Variants in ST7 observed in about 807,000 individuals in gnomAD.
The protein encoded by ST7 is suppression of tumorigenicity 7, also known as suppressor of tumorigenicity 7 protein.
In ST7, 28 loss-of-function variants were observed where a neutral mutation model predicts 78.7. The ratio of observed to expected loss-of-function variants is 0.36; its 90% CI spans 0.26 to 0.49. The LOEUF is 0.49. Ranked by LOEUF, ST7 falls within the 20% of genes least tolerant of loss-of-function variation. ST7 has a pLI of 0.99. For missense variants in ST7, 418 were observed against 696.0 expected (o/e 0.60, Z 4.49); for synonymous variants, 247 against 249.6 (o/e 0.99, Z 0.10).
intron 1 of ST7, among the ~76,000 whole-genome samples, chr7:116,985,106 A>G (rs1040021120): frequency 2.0e-5 from 3 of 152,158 alleles, no homozygotes; most frequent in African/African-American, 7.2e-5. Flanking sequence ...TGAGAATTGT[A>G]TAGTGGTATT....
chr7:116,967,194 G>T, intron 1 of ST7: 1 of 369,856 alleles, frequency 2.7e-6, no homozygotes, highest in Non-Finnish European at 6.0e-6. Flanking sequence ...TCTCCTAGAT[G>T]TGTAGGACGA....
At chr7:117,186,135 T>C (rs763236388) in intron 10 of ST7, among the ~76,000 whole-genome samples, 26 of 152,230 alleles carry the variant, frequency 1.7e-4, no homozygotes, top group Non-Finnish European at 2.5e-4. Context: ...TTCTTCACAA[T>C]ATCACATGAT....
intron 1 of ST7, among the ~76,000 whole-genome samples, chr7:117,067,289 C>CT (rs1798690499): frequency 6.6e-6 from 1 of 151,962 alleles, no homozygotes; most frequent in African/African-American, 2.4e-5. Flanking sequence ...TGTGATAACT[C>CT]TATCATTTAC....
At chr7:116,955,758 G>C (rs1792438761) in intron 1 of ST7, among the ~76,000 whole-genome samples, 1 of 152,198 alleles carries the variant, frequency 6.6e-6, no homozygotes, top group Non-Finnish European at 1.5e-5. Context: ...CTGGGAAAAT[G>C]TGTACTTCTT....
rs1393889902 is a variant in ST7 at position 116,997,602 on chromosome 7, G to A, written c.151+43911G>A. 2.6e-5 allele frequency among the ~76,000 whole-genome samples: 4 copies of A among 151,940 alleles called. 1 individual carries two copies. The highest frequency in any genetic ancestry group is 1.3e-4 in the Admixed American group (2 of 15,264). ...TGGTGTATTTACAATCCTTTAGCTA[G>A]ACATAAAGATTCTCCAAGTCTCCAC... On this transcript the variant is annotated intron_variant, in intron 1 of 15. Transcript: ENST00000323984.
rs559975224 is a variant in ST7, at chr7:117,001,205, A to G, written c.151+47514A>G. ...AAAGCAGGAGGTCTAATCATCGTCAACTGAAACCTCACCTAAGTAGTATTC... is the reference window on the plus strand; with the variant it reads ...AAAGCAGGAGGTCTAATCATCGTCAGCTGAAACCTCACCTAAGTAGTATTC... On this transcript the variant is annotated intron_variant, in intron 1 of 15. Transcript: ENST00000323984. Among the ~76,000 whole-genome samples, 236 of 152,362 alleles carry G rather than the reference A, an allele frequency of 1.5e-3. 1 individual carries two copies. The highest frequency in any genetic ancestry group is 4.4e-3 in the African/African-American group (185 of 41,590).
intron 2 of ST7, among the ~76,000 whole-genome samples, chr7:117,109,377 G>A (rs1318105661): frequency 6.6e-6 from 1 of 152,078 alleles, no homozygotes; most frequent in Non-Finnish European, 1.5e-5. Flanking sequence ...AACGAAATAG[G>A]AGATATTACA....
chr7:117,179,716 G>A (rs1461425049), intron 10 of ST7, among the ~76,000 whole-genome samples: 1 of 151,938 alleles, frequency 6.6e-6, no homozygotes, highest in East Asian at 1.9e-4. Flanking sequence ...GGGGGTAGGG[G>A]GACTGGATTA....
In ST7 at chr7:116,972,257, C is replaced by T. The variant is rs983994324; in HGVS notation, c.151+18566C>T. ...GTGCATTTGAGTTTATCTTCCAGGT[C>T]TTCAATTGTATTTTCCAGCTTGGCT... On this transcript the variant is annotated intron_variant, in intron 1 of 15. Coordinates refer to ENST00000323984, the MANE Select transcript of ST7 (RefSeq NM_001369598.1). 1.3e-5 allele frequency: 7 copies of T among 544,972 alleles called. No individual in the cohort carries two copies. The African/African-American group carries it at 1.3e-4, about 10-fold the overall frequency. 33.8% of individuals were successfully genotyped at this position (544,972 alleles called of 1,614,324 possible). A position where few individuals can be genotyped will look rare whatever the true frequency, so the allele number is the denominator to read the frequency against.
intron 1 of ST7, chr7:117,098,907 G>T (rs1801331349): frequency 8.8e-7 from 1 of 1,139,728 alleles, no homozygotes; most frequent in African/African-American, 1.6e-5. Context: ...TAAAATACTT[G>T]TAAGTGAACC....
chr7:117,063,702 C>T (rs193294712), intron 1 of ST7, among the ~76,000 whole-genome samples: 4 of 152,214 alleles, frequency 2.6e-5, no homozygotes, highest in Middle Eastern at 3.4e-3. Context: ...TAGCAAGACC[C>T]GGTCTCAAAA....
rs756080346 is a variant in ST7, at chr7:117,067,593, G to A, written c.152-32169G>A. Among the ~76,000 whole-genome samples, 3 of 152,132 alleles carry A rather than the reference G, an allele frequency of 2.0e-5. No individual in the cohort carries two copies. The East Asian group carries it at 5.8e-4, about 29-fold the overall frequency. On this transcript the variant is annotated intron_variant, in intron 1 of 15. Transcript: ENST00000323984. ...CCAGAGTGATGAGCTGTCTCCTGGG[G>A]GATGGTTGGGGTTGGGGAATTTGGT...
chr7:117,189,656 A>G (rs1343251829), intron 11 of ST7, among the ~76,000 whole-genome samples: 2 of 151,704 alleles, frequency 1.3e-5, no homozygotes, highest in African/African-American at 2.4e-5. Context: ...GGTGTGAGAC[A>G]GTAGATACCA....
intron 1 of ST7, chr7:116,958,525 G>GC: frequency 2.3e-6 from 1 of 437,424 alleles, no homozygotes; most frequent in South Asian, 1.7e-5. Context: ...TAGGTCTTTT[G>GC]CCCCTGTTGT....
chr7:117,014,948 T>C (rs1052557672), intron 1 of ST7: 3 of 1,326,276 alleles, frequency 2.3e-6, no homozygotes, highest in African/African-American at 3.0e-5. Flanking sequence ...TTTCATTTTC[T>C]GGCTGATAGA....
intron 1 of ST7, among the ~76,000 whole-genome samples, chr7:117,093,521 T>G (rs1800787809): frequency 6.6e-6 from 1 of 152,124 alleles, no homozygotes; most frequent in Non-Finnish European, 1.5e-5. Flanking sequence ...GTTAACATAG[T>G]GAAACCCGCA....
intron 10 of ST7, among the ~76,000 whole-genome samples, chr7:117,180,824 T>C (rs1391481107): frequency 6.6e-6 from 1 of 152,168 alleles, no homozygotes. Flanking sequence ...CAATTTTTTC[T>C]ATTTTTTGTA....
At chr7:117,168,843 G>A (rs763770354) in intron 9 of ST7, among the ~76,000 whole-genome samples, 1 of 152,202 alleles carries the variant, frequency 6.6e-6, no homozygotes, top group Non-Finnish European at 1.5e-5. Context: ...TCAATGCAGT[G>A]TATTCACTGA....
At chr7:117,123,311 G>C (rs1803558012) in intron 3 of ST7, among the ~76,000 whole-genome samples, 1 of 152,124 alleles carries the variant, frequency 6.6e-6, no homozygotes, top group South Asian at 2.1e-4. Context: ...GCCTACCTAA[G>C]AACGACTTGG....
Sources: allele counts gnomAD v4.1 joint callset (sites outside exome capture counted in the v4.1 genomes callset), GRCh38; gene constraint gnomAD v4.1.1; transcripts MANE v1.5; gene names NCBI Gene and HGNC (gene_info 2026-07-23, HGNC 2026-07-21).